The following TLN2 variants were observed in gnomAD, a reference collection of about 807,000 sequenced individuals.
The protein encoded by TLN2 is talin-2.
A neutral mutation model predicts 294.7 loss-of-function variants in TLN2; 118 were observed. The ratio of observed to expected loss-of-function variants is 0.40; its 90% CI spans 0.34 to 0.47. TLN2 has a LOEUF of 0.47. Ranked by LOEUF, TLN2 falls within the 20% of genes least tolerant of loss-of-function variation. The pLI is 0.84. For synonymous variants in TLN2, 1,431 were observed against 1,304.5 expected, an observed-to-expected ratio of 1.10 and a Z score of -2.09; for missense variants, 3,083 against 3,282.2, an observed-to-expected ratio of 0.94 and a Z score of 1.48.
chr15:62,689,510 C>T (rs941921124), intron 12 of TLN2, among the ~76,000 whole-genome samples: 1 of 152,060 alleles, frequency 6.6e-6, no homozygotes, highest in Non-Finnish European at 1.5e-5. Context: ...CAGCCTTCTT[C>T]TGTTATCATT....
intron 42 of TLN2, among the ~76,000 whole-genome samples, chr15:62,774,069 G>A (rs1463797216): frequency 6.6e-6 from 1 of 151,764 alleles, no homozygotes; most frequent in East Asian, 1.9e-4. Flanking sequence ...CACAGATTCT[G>A]CCCACAACAC....
intron 1 of TLN2, among the ~76,000 whole-genome samples, chr15:62,423,353 AGAGT>A (rs773653557): frequency 3.3e-5 from 5 of 152,152 alleles, no homozygotes; most frequent in Non-Finnish European, 1.5e-5. Flanking sequence ...CCCAGGTGAT[AGAGT>A]GAGACCCTTT....
rs1247712704 is a variant in TLN2 at position 62,716,466 on chromosome 15, A to G, written c.2763+7A>G. ...AATTGTCAACCGACTGGAGGTAAGG[A>G]AAGAGGCTGCCTTTCTGGGATGCCC... is the stretch of plus-strand genomic sequence containing the variant. On this transcript the variant is annotated splice_region_variant and intron_variant, in intron 23 of 58. Transcript: ENST00000636159. 1 of 1,591,800 alleles carries G rather than the reference A, an allele frequency of 6.3e-7. No homozygotes were observed. The highest frequency in any genetic ancestry group is 1.4e-5 in the African/African-American group (1 of 73,638).
At chr15:62,702,427 G>A (rs910631453) in intron 18 of TLN2, among the ~76,000 whole-genome samples, 1 of 152,214 alleles carries the variant, frequency 6.6e-6, no homozygotes, top group African/African-American at 2.4e-5. Context: ...TTGAGTAGAT[G>A]CAGCTACAGG....
At chr15:62,678,482 GT>G (rs1041355474) in intron 11 of TLN2, among the ~76,000 whole-genome samples, 1 of 152,132 alleles carries the variant, frequency 6.6e-6, no homozygotes, top group African/African-American at 2.4e-5. Context: ...CATGATAGAG[GT>G]TCATGAGTAT....
At chr15:62,692,814 T>A (rs1360750441) in intron 12 of TLN2, 26 bp from the exon 13 acceptor site, 7 of 1,591,840 alleles carry the variant, frequency 4.4e-6, no homozygotes, top group Admixed American at 1.7e-5. Context: ...GATTTGGCTA[T>A]ATTTCCTCCA....
chr15:62,647,670 A>G (rs1017495341), intron 4 of TLN2, among the ~76,000 whole-genome samples: 2 of 152,026 alleles, frequency 1.3e-5, no homozygotes, highest in African/African-American at 2.4e-5. Context: ...CAGCAACTTG[A>G]CCCTCCCATG....
intron 1 of TLN2, among the ~76,000 whole-genome samples, chr15:62,547,711 G>A (rs2042071873): frequency 6.6e-6 from 1 of 152,208 alleles, no homozygotes; most frequent in Admixed American, 6.5e-5. Context: ...TAGAACACAG[G>A]AGTTAGTCTT....
At chr15:62,836,166 C>T (rs2069534208) in intron 57 of TLN2, 93 bp downstream of exon 57, 1 of 1,499,562 alleles carries the variant, frequency 6.7e-7, no homozygotes, top group Admixed American at 2.0e-5. Context: ...GCATGACCCA[C>T]CAGGCCTTCC....
intron 54 of TLN2, chr15:62,828,229 C>G (rs1172249111): frequency 1.3e-5 from 2 of 152,338 alleles, no homozygotes; most frequent in Admixed American, 6.5e-5. Flanking sequence ...ACAGGGTACT[C>G]AGACCTTTCT....
chr15:62,603,609 T>C (rs2047179540), intron 2 of TLN2, among the ~76,000 whole-genome samples: 1 of 152,226 alleles, frequency 6.6e-6, no homozygotes, highest in Non-Finnish European at 1.5e-5. Flanking sequence ...CTTAAAATCA[T>C]TATTCTTTTT....
In TLN2 at chr15:62,833,608, G is replaced by A; in HGVS notation, c.7107G>A (p.Arg2369=). ...ALVKSASAAQ[R]ELVAQGKVGS... ...TCAAATCGGCCTCAGCAGCCCAGAGGGAGCTGGTGGCCCAAGGAAAGGTGG... is the reference window on the plus strand; with the variant it reads ...TCAAATCGGCCTCAGCAGCCCAGAGAGAGCTGGTGGCCCAAGGAAAGGTGG... Residue 2369 remains arginine (R), a synonymous_variant, in exon 55 of 59, where the codon AGG becomes AGA. Coordinates refer to ENST00000636159, the MANE Select transcript of TLN2 (RefSeq NM_015059.3). 1.9e-6 allele frequency: 3 copies of A among 1,614,054 alleles called. No homozygotes were observed. The highest frequency in any genetic ancestry group is 2.5e-6 in the Non-Finnish European group (3 of 1,179,990).
At chr15:62,550,484 C>CAAA (rs2042236010) in intron 1 of TLN2, among the ~76,000 whole-genome samples, 1 of 152,094 alleles carries the variant, frequency 6.6e-6, no homozygotes, top group Non-Finnish European at 1.5e-5. Flanking sequence ...GGCCACTCTA[C>CAAA]AAATTGCTTG....
At chr15:62,693,446 G>A (rs959575024) in intron 13 of TLN2, among the ~76,000 whole-genome samples, 2 of 152,112 alleles carry the variant, frequency 1.3e-5, no homozygotes, top group African/African-American at 4.8e-5. Context: ...GCACATATTT[G>A]TGTCATTTAC....
At chr15:62,606,444 A>G (rs555061909) in intron 2 of TLN2, among the ~76,000 whole-genome samples, 1 of 152,248 alleles carries the variant, frequency 6.6e-6, no homozygotes, top group South Asian at 2.1e-4. Context: ...CAGGAAAGGA[A>G]TGCCTGTGGT....
At chr15:62,646,430 G>A (rs1217283713) in intron 3 of TLN2, among the ~76,000 whole-genome samples, 2 of 152,140 alleles carry the variant, frequency 1.3e-5, no homozygotes, top group East Asian at 1.9e-4. Context: ...CCAAAGTGCT[G>A]GGATTACAGG....
rs550315580 is a variant in TLN2 at position 62,661,420 on chromosome 15, G to GAAC, written c.788+3522_788+3523insAAC. On this transcript the variant is annotated intron_variant, in intron 9 of 58. Transcript: ENST00000636159. ...CAGACTTCACAAGTTCTTTAATAAA[G>GAAC]TTTTAATACTGGTCAAAACAAACAA... 5.6e-3 allele frequency among the ~76,000 whole-genome samples: 855 copies of GAAC among 152,224 alleles called. 3 individuals carry two copies. The highest frequency in any genetic ancestry group is 9.6e-3 in the Non-Finnish European group (654 of 67,984).
intron 1 of TLN2, among the ~76,000 whole-genome samples, chr15:62,586,449 A>T (rs1335026889): frequency 6.6e-6 from 1 of 152,232 alleles, no homozygotes; most frequent in Non-Finnish European, 1.5e-5. Context: ...TGCATCTACA[A>T]GGAATTATGA....
chr15:62,402,853 C>T (rs991613201), intron 1 of TLN2, among the ~76,000 whole-genome samples: 1 of 152,228 alleles, frequency 6.6e-6, no homozygotes, highest in Non-Finnish European at 1.5e-5. Flanking sequence ...GGCTTTCATA[C>T]ATGCAGCTAT....
Sources: allele counts gnomAD v4.1 joint callset (sites outside exome capture counted in the v4.1 genomes callset), GRCh38; gene constraint gnomAD v4.1.1; transcripts MANE v1.5; gene names NCBI Gene and HGNC (gene_info 2026-07-23, HGNC 2026-07-21).